Variants in CMTM8 observed in about 807,000 individuals in gnomAD.
CMTM8 encodes the protein CKLF-like MARVEL transmembrane domain-containing protein 8.
CMTM8 carries 12 observed loss-of-function variants against 18.6 expected under a neutral mutation model. The observed-to-expected ratio is 0.65, with a 90% CI of 0.41 to 1.05. CMTM8 has a LOEUF of 1.05. Among genes scored for constraint, CMTM8 ranks in the 50% least tolerant of loss-of-function variants. The pLI, the probability that CMTM8 is intolerant of heterozygous loss-of-function variation, is 0.00. For missense variants in CMTM8, 217 were observed against 227.2 expected (o/e 0.95, Z 0.29); for synonymous variants, 87 against 90.6 (o/e 0.96, Z 0.23).
At chr3:32,309,581 G>C (rs1410683108) in intron 1 of CMTM8, among the ~76,000 whole-genome samples, 1 of 152,034 alleles carries the variant, frequency 6.6e-6, no homozygotes, top group African/African-American at 2.4e-5. Context: ...TGCTGTGATT[G>C]CAGGCATGAG....
intron 1 of CMTM8, among the ~76,000 whole-genome samples, chr3:32,348,194 T>C (rs1696637089): frequency 6.6e-6 from 1 of 152,246 alleles, no homozygotes; most frequent in Non-Finnish European, 1.5e-5. Flanking sequence ...AAAAATAATT[T>C]TCTTTCAGTA....
At chr3:32,339,791 A>G (rs927952933) in intron 1 of CMTM8, among the ~76,000 whole-genome samples, 1 of 152,068 alleles carries the variant, frequency 6.6e-6, no homozygotes, top group Admixed American at 6.6e-5. Flanking sequence ...GAGAAACCCC[A>G]TCTCTACTAA....
At chr3:32,352,866 A>C (rs1222598125) in intron 1 of CMTM8, among the ~76,000 whole-genome samples, 1 of 75,744 alleles carries the variant, frequency 1.3e-5, no homozygotes, top group African/African-American at 3.9e-5. Context: ...AAGTTAAAAC[A>C]TAGGTTCTGT....
chr3:32,238,504 C>G (rs927505184), upstream of CMTM8: 2 of 152,660 alleles, frequency 1.3e-5, no homozygotes, highest in African/African-American at 4.8e-5. Context: ...GCCCTCTCCT[C>G]CGCGCCGCCC....
At chr3:32,348,716 G>A (rs1034945348) in intron 1 of CMTM8, among the ~76,000 whole-genome samples, 1 of 151,610 alleles carries the variant, frequency 6.6e-6, no homozygotes, top group Admixed American at 6.6e-5. Context: ...ACCCAGGCTG[G>A]TTTTGAACTC....
chr3:32,273,144 TG>T (rs1419295624), intron 1 of CMTM8, among the ~76,000 whole-genome samples: 2 of 151,680 alleles, frequency 1.3e-5, no homozygotes, highest in African/African-American at 4.8e-5. Flanking sequence ...TGTGTGTGTG[TG>T]TGTGTGTGTG....
intron 1 of CMTM8, among the ~76,000 whole-genome samples, chr3:32,312,888 C>A (rs1695847829): frequency 6.6e-6 from 1 of 151,702 alleles, no homozygotes; most frequent in Non-Finnish European, 1.5e-5. Context: ...TTTTTTTCAC[C>A]TTTATTGGTC....
intron 1 of CMTM8, among the ~76,000 whole-genome samples, chr3:32,333,593 G>T (rs1040205978): frequency 7.0e-6 from 1 of 142,778 alleles, no homozygotes; most frequent in Non-Finnish European, 1.5e-5. Flanking sequence ...CCCATTGCTT[G>T]TAACTGCAGC....
chr3:32,295,180 G>T (rs1559372289), intron 1 of CMTM8, among the ~76,000 whole-genome samples: 1 of 151,038 alleles, frequency 6.6e-6, no homozygotes, highest in Non-Finnish European at 1.5e-5. Context: ...TTTAGGCTGG[G>T]CACGGTAGCT....
intron 1 of CMTM8, among the ~76,000 whole-genome samples, chr3:32,322,391 G>A (rs1481398199): frequency 1.3e-5 from 2 of 152,194 alleles, no homozygotes; most frequent in African/African-American, 2.4e-5. Flanking sequence ...GAGCAGGCAT[G>A]AGACTAATTT....
chr3:32,357,223 G>A lies in CMTM8; in HGVS notation c.148-150G>A, dbSNP rs548761536. On this transcript the variant is annotated intron_variant, in intron 1 of 3. Coordinates refer to ENST00000307526, the MANE Select transcript of CMTM8 (RefSeq NM_178868.5). ...TGCTCCATGGCACTCTAGCCTGGGC[G>A]ACGGGAGCGAGACTCCATCTCAAAT... is the stretch of plus-strand genomic sequence containing the variant. 1.9e-4 allele frequency: 129 copies of A among 696,294 alleles called. 1 individual carries two copies. The East Asian group carries it at 3.2e-3, about 17-fold the overall frequency. 43.1% of individuals were successfully genotyped at this position (696,294 alleles called of 1,614,324 possible). A position where few individuals can be genotyped will look rare whatever the true frequency, so the allele number is the denominator to read the frequency against.
chr3:32,277,038 C>T (rs1312018029), intron 1 of CMTM8, among the ~76,000 whole-genome samples: 1 of 151,798 alleles, frequency 6.6e-6, no homozygotes, highest in East Asian at 2.0e-4. Flanking sequence ...GCACATCCCA[C>T]CATCCCCGGC....
At chr3:32,327,611 G>A (rs1320673094) in intron 1 of CMTM8, among the ~76,000 whole-genome samples, 1 of 152,218 alleles carries the variant, frequency 6.6e-6, no homozygotes, top group African/African-American at 2.4e-5. Context: ...AGGGCTTTCA[G>A]AGGGTAACTG....
intron 1 of CMTM8, among the ~76,000 whole-genome samples, chr3:32,317,659 T>A (rs1695955916): frequency 6.6e-6 from 1 of 152,212 alleles, no homozygotes; most frequent in Non-Finnish European, 1.5e-5. Context: ...TATGCAGCAC[T>A]GTTTGCAATA....
chr3:32,312,683 T>C (rs1186853830), intron 1 of CMTM8, among the ~76,000 whole-genome samples: 1 of 152,040 alleles, frequency 6.6e-6, no homozygotes. Flanking sequence ...TGGTGATCAA[T>C]TCAATCTTCA....
At chr3:32,251,194 T>C (rs557258779) in intron 1 of CMTM8, among the ~76,000 whole-genome samples, 108 of 152,334 alleles carry the variant, frequency 7.1e-4, no homozygotes, top group African/African-American at 2.5e-3. Flanking sequence ...GAACACCAGC[T>C]ATAAATAATA....
At chr3:32,332,408 A>G (rs1696297871) in intron 1 of CMTM8, among the ~76,000 whole-genome samples, 1 of 152,068 alleles carries the variant, frequency 6.6e-6, no homozygotes, top group Non-Finnish European at 1.5e-5. Flanking sequence ...GCTGGGATAG[A>G]ATCTCAAGCA....
intron 1 of CMTM8, among the ~76,000 whole-genome samples, chr3:32,351,166 A>G (rs1164367289): frequency 6.6e-6 from 1 of 152,252 alleles, no homozygotes; most frequent in East Asian, 1.9e-4. Context: ...GGAATTGAAT[A>G]AAGATTCCGG....
chr3:32,264,911 A>C (rs1702313176), intron 1 of CMTM8, among the ~76,000 whole-genome samples: 1 of 152,216 alleles, frequency 6.6e-6, no homozygotes, highest in Non-Finnish European at 1.5e-5. Context: ...GACTATCCTA[A>C]ATATATATGC....
Sources: allele counts gnomAD v4.1 joint callset (sites outside exome capture counted in the v4.1 genomes callset), GRCh38; gene constraint gnomAD v4.1.1; transcripts MANE v1.5; gene names NCBI Gene and HGNC (gene_info 2026-07-23, HGNC 2026-07-21).